ADGRB3: variants seen among roughly 807,000 people sequenced by gnomAD.
The protein encoded by ADGRB3 is brain-specific angiogenesis inhibitor 3.
In ADGRB3, 37 loss-of-function variants were observed where a neutral mutation model predicts 193.4. The ratio of observed to expected loss-of-function variants is 0.19; its 90% CI spans 0.15 to 0.25. ADGRB3 has a LOEUF of 0.25. ADGRB3 is among the 10% of genes least tolerant of loss of function. ADGRB3 has a pLI of 1.00. For missense variants in ADGRB3, 1,637 were observed against 1,852.9 expected (o/e 0.88, Z 2.14); for synonymous variants, 690 against 644.2 (o/e 1.07, Z -1.08).
At chr6:69,162,516 G>A (rs1404127215) in intron 17 of ADGRB3, among the ~76,000 whole-genome samples, 1 of 152,058 alleles carries the variant, frequency 6.6e-6, no homozygotes, top group Non-Finnish European at 1.5e-5. Context: ...ATTTCATTCT[G>A]TAGGCAACTG....
In ADGRB3 at chr6:68,975,082, T is replaced by G. The variant is rs1389699733; in HGVS notation, c.1628-152T>G. The G allele has an allele frequency of 2.5e-5, 17 of 679,272 alleles. No homozygotes were observed. In the East Asian group the frequency reaches 4.6e-4, roughly 19 times the overall value. 42.1% of individuals were successfully genotyped at this position (679,272 alleles called of 1,614,324 possible). A position where few individuals can be genotyped will look rare whatever the true frequency, so the allele number is the denominator to read the frequency against. ...TAATTGTTTCTCAGTGTGACTAATA[T>G]GCATTATAAAAATAATCAAAATATC... On this transcript the variant is annotated intron_variant, in intron 9 of 31. Transcript: ENST00000370598.
intron 3 of ADGRB3, among the ~76,000 whole-genome samples, chr6:68,848,661 TC>T (rs1487233609): frequency 6.6e-6 from 1 of 152,038 alleles, no homozygotes; most frequent in African/African-American, 2.4e-5. Context: ...AAGTCTAAAT[TC>T]TAAAATTTCT....
intron 3 of ADGRB3, among the ~76,000 whole-genome samples, chr6:68,854,856 A>G (rs1047735293): frequency 6.6e-6 from 1 of 152,118 alleles, no homozygotes; most frequent in African/African-American, 2.4e-5. Flanking sequence ...CAGACTTCAG[A>G]GTCTCTCCCA....
intron 9 of ADGRB3, 24 bp downstream of exon 9, chr6:68,974,888 A>G: frequency 6.3e-7 from 1 of 1,579,814 alleles, no homozygotes; most frequent in Non-Finnish European, 8.7e-7. Flanking sequence ...ACCCACCCAA[A>G]CCCTAGTGAT....
chr6:68,922,882 G>A (rs1767083035), intron 3 of ADGRB3, among the ~76,000 whole-genome samples: 1 of 150,746 alleles, frequency 6.6e-6, no homozygotes, highest in South Asian at 2.1e-4. Context: ...AATACCACTT[G>A]TCCCTTAGTA....
At chr6:69,291,454 G>C (rs959297322) in intron 20 of ADGRB3, among the ~76,000 whole-genome samples, 9 of 152,066 alleles carry the variant, frequency 5.9e-5, no homozygotes, top group African/African-American at 1.9e-4. Flanking sequence ...GCAGAACTAG[G>C]ATTCAAAGGT....
chr6:68,787,817 T>G (rs564941258), intron 3 of ADGRB3, among the ~76,000 whole-genome samples: 1 of 152,340 alleles, frequency 6.6e-6, no homozygotes, highest in South Asian at 2.1e-4. Flanking sequence ...TATTGATTAT[T>G]GCCTCAATTT....
chr6:69,135,058 A>G (rs893625459), intron 17 of ADGRB3, among the ~76,000 whole-genome samples: 1 of 152,020 alleles, frequency 6.6e-6, no homozygotes, highest in Non-Finnish European at 1.5e-5. Context: ...ATTTCAATAC[A>G]TTGAGCATTT....
intron 3 of ADGRB3, among the ~76,000 whole-genome samples, chr6:68,757,693 A>G (rs1192293371): frequency 1.3e-5 from 2 of 152,060 alleles, no homozygotes; most frequent in East Asian, 3.9e-4. Context: ...CATAATAAGC[A>G]AAACAGAAAA....
rs115229753 is a variant in ADGRB3 at position 68,943,259 on chromosome 6, A to G, written c.1031-571A>G. On this transcript the variant is annotated intron_variant, in intron 5 of 31. Transcript: ENST00000370598. ...CTGTTTGAAATTCTTTTTATTCAAA[A>G]TATGGTAACTTTAAACCCACATTTT... Among the ~76,000 whole-genome samples the G allele has an allele frequency of 7.6e-3, 1,152 of 152,288 alleles. 14 individuals are homozygous for G. Among genetic ancestry groups the G allele is most frequent in the African/African-American group, 0.025 (1,043 of 41,572 alleles).
intron 17 of ADGRB3, among the ~76,000 whole-genome samples, chr6:69,110,007 G>T (rs1471616190): frequency 1.3e-5 from 2 of 148,258 alleles, no homozygotes; most frequent in Admixed American, 1.4e-4. Flanking sequence ...GAGTACAGTG[G>T]CTCTATCTCT....
At chr6:69,348,411 C>T (rs907274866) in intron 26 of ADGRB3, among the ~76,000 whole-genome samples, 1 of 149,522 alleles carries the variant, frequency 6.7e-6, no homozygotes, top group African/African-American at 2.5e-5. Flanking sequence ...CTTTGGGAGG[C>T]TGAGGCGGGT....
intron 8 of ADGRB3, among the ~76,000 whole-genome samples, chr6:68,965,036 CT>C (rs1376493722): frequency 6.6e-6 from 1 of 152,120 alleles, no homozygotes; most frequent in East Asian, 1.9e-4. Flanking sequence ...TCTTGACTTC[CT>C]CATGTTTAAA....
intron 20 of ADGRB3, among the ~76,000 whole-genome samples, chr6:69,269,799 T>A (rs1767133864): frequency 6.6e-6 from 1 of 152,178 alleles, no homozygotes; most frequent in African/African-American, 2.4e-5. Flanking sequence ...TCAAATAGGA[T>A]TTCCTGTATC....
chr6:69,242,608 G>A (rs890413204), intron 20 of ADGRB3, among the ~76,000 whole-genome samples: 1 of 151,914 alleles, frequency 6.6e-6, no homozygotes, highest in Non-Finnish European at 1.5e-5. Context: ...GAATTGAAAT[G>A]TAAACAAGCT....
intron 10 of ADGRB3, among the ~76,000 whole-genome samples, chr6:68,984,019 GA>G (rs1412832614): frequency 6.6e-6 from 1 of 152,102 alleles, no homozygotes; most frequent in African/African-American, 2.4e-5. Context: ...AGGTCTTTAA[GA>G]AAGCAAAAAG....
At chr6:68,903,771 G>A (rs764428166) in intron 3 of ADGRB3, among the ~76,000 whole-genome samples, 2 of 151,804 alleles carry the variant, frequency 1.3e-5, no homozygotes, top group Non-Finnish European at 2.9e-5. Flanking sequence ...CTTTGAGTGG[G>A]AAGCCGAGGT....
chr6:68,723,823 A>G (rs116603111), intron 3 of ADGRB3, among the ~76,000 whole-genome samples: 5 of 151,806 alleles, frequency 3.3e-5, no homozygotes, highest in African/African-American at 9.6e-5. Flanking sequence ...GTGGTTCTCA[A>G]CTGGAGATTA....
chr6:68,664,564 G>A (rs1326444981), intron 3 of ADGRB3, among the ~76,000 whole-genome samples: 2 of 151,782 alleles, frequency 1.3e-5, no homozygotes, highest in Non-Finnish European at 2.9e-5. Flanking sequence ...TCAGACTTCT[G>A]GCTCCCAGAA....
Sources: allele counts gnomAD v4.1 joint callset (sites outside exome capture counted in the v4.1 genomes callset), GRCh38; gene constraint gnomAD v4.1.1; transcripts MANE v1.5; gene names NCBI Gene and HGNC (gene_info 2026-07-23, HGNC 2026-07-21).